The following ODF2 variants were observed in gnomAD, a reference collection of about 807,000 sequenced individuals.
ODF2 encodes outer dense fiber protein 2.
Under a neutral mutation model 110.2 loss-of-function variants are expected in ODF2, and 47 were observed. The observed-to-expected ratio is 0.43, with a 90% CI of 0.34 to 0.54. The LOEUF (loss-of-function observed/expected upper bound fraction) is 0.54, where lower values mean the gene tolerates loss of function less well. Among genes scored for constraint, ODF2 ranks in the 20% least tolerant of loss-of-function variants. The pLI is 0.03. For synonymous variants in ODF2, 352 were observed against 397.7 expected, an observed-to-expected ratio of 0.89 and a Z score of 1.37; for missense variants, 812 against 1,054.5, an observed-to-expected ratio of 0.77 and a Z score of 3.19.
rs1445845499 is a variant in ODF2, at chr9:128,466,647, A to T, written c.250-2536A>T. 4.7e-5 allele frequency among the ~76,000 whole-genome samples: 4 copies of T among 84,328 alleles called. No homozygotes were observed. The African/African-American group carries it at 5.4e-4, about 11-fold the overall frequency. The allele number at this position is 84,328 out of a possible 152,430, so 55.3% of individuals were successfully genotyped here. ...GGAGTAAGTAGTCACACTTTCCCAT[A>T]TATATATATATATATATATTTGTCA... is the stretch of plus-strand genomic sequence containing the variant. On this transcript the variant is annotated intron_variant, in intron 4 of 20. Coordinates refer to ENST00000604420, the Ensembl canonical transcript of ODF2.
At chr9:128,472,981 A>G in exon 7 of ODF2, 1 of 1,614,050 alleles carries the variant, frequency 6.2e-7, no homozygotes. Flanking sequence ...GCGGAAATGG[A>G]TGGGGCTGCG....
At chr9:128,468,597 A>G (rs1190652203) in intron 4 of ODF2, among the ~76,000 whole-genome samples, 2 of 151,804 alleles carry the variant, frequency 1.3e-5, no homozygotes, top group Non-Finnish European at 2.9e-5. Flanking sequence ...ATCTTGGCTC[A>G]CTGCAACCTC....
intron 17 of ODF2, 116 bp from the exon 18 acceptor site, chr9:128,495,925 A>T (rs1364389910): frequency 4.1e-6 from 5 of 1,214,702 alleles, no homozygotes; most frequent in Non-Finnish European, 4.7e-6. Flanking sequence ...TGAGACTTGG[A>T]CACCTGCTGA....
At chr9:128,488,669 A>G (rs1469029205) in intron 14 of ODF2, among the ~76,000 whole-genome samples, 3 of 152,148 alleles carry the variant, frequency 2.0e-5, no homozygotes, top group Non-Finnish European at 2.9e-5. Context: ...ATTAATTCTC[A>G]CTTAAACTGT....
chr9:128,475,449 C>T (rs1841057833), intron 8 of ODF2, among the ~76,000 whole-genome samples: 1 of 152,200 alleles, frequency 6.6e-6, no homozygotes, highest in East Asian at 1.9e-4. Flanking sequence ...CATTGCCTCA[C>T]ATACTAAGAT....
chr9:128,472,097 G>T (rs1216432347), intron 6 of ODF2, among the ~76,000 whole-genome samples: 2 of 152,146 alleles, frequency 1.3e-5, no homozygotes, highest in Non-Finnish European at 2.9e-5. Context: ...TGGCCAACAT[G>T]GTGAAACCCT....
chr9:128,457,471 G>A, intron 2 of ODF2: 1 of 1,568,920 alleles, frequency 6.4e-7, no homozygotes, highest in Non-Finnish European at 8.6e-7. Context: ...TGCGCCGGAG[G>A]GCAGGGAAAG....
In ODF2 at chr9:128,456,455, C is replaced by T. The variant is rs1437473544; in HGVS notation, c.-209+200C>T. 7 of 1,517,388 alleles carry T rather than the reference C, an allele frequency of 4.6e-6. No individual in the cohort carries two copies. In the East Asian group the frequency reaches 1.6e-4, roughly 34 times the overall value. The allele number at this position is 1,517,388 out of a possible 1,614,324, so 94.0% of individuals were successfully genotyped here. A position where few individuals can be genotyped will look rare whatever the true frequency, so the allele number is the denominator to read the frequency against. On this transcript the variant is annotated intron_variant, in intron 1 of 20. Coordinates refer to ENST00000604420, the Ensembl canonical transcript of ODF2. ...GCGGGGCCTCTCCTCCTCCCGCTAA[C>T]GGGCGGTCGGCCGCCTCCTTCCTCT...
At chr9:128,464,064 C>T (rs1335463648) in intron 4 of ODF2, among the ~76,000 whole-genome samples, 1 of 151,118 alleles carries the variant, frequency 6.6e-6, no homozygotes, top group Non-Finnish European at 1.5e-5. Flanking sequence ...AGGCTGGTCT[C>T]GAACTCCTGA....
At chr9:128,466,644 CATAT>C (rs10591401) in intron 4 of ODF2, among the ~76,000 whole-genome samples, 1,437 of 142,698 alleles carry the variant, frequency 0.01, 30 homozygotes, top group East Asian at 0.072. Flanking sequence ...CACACTTTCC[CATAT>C]ATATATATAT....
chr9:128,500,321 C>T, exon 21 of ODF2: 1 of 1,516,272 alleles, frequency 6.6e-7, no homozygotes. Flanking sequence ...CAAGCCATAG[C>T]TGAGAAGCCT....
At position 128,463,436 on chromosome 9, in the gene ODF2, C is replaced by T. The variant is rs568612357; in HGVS notation, c.249+2369C>T. Among the ~76,000 whole-genome samples, 6 of 152,220 alleles carry T rather than the reference C, an allele frequency of 3.9e-5. No homozygotes were observed. In the East Asian group the frequency reaches 7.7e-4, roughly 20 times the overall value. On this transcript the variant is annotated intron_variant, in intron 4 of 20. Transcript: ENST00000604420. ...GAGTTCAAGACCAGCCTGGGCAACA[C>T]GACGAGACCCTGCCTCTACAAAAGA...
At chr9:128,496,496 C>A (rs937741818) in intron 18 of ODF2, among the ~76,000 whole-genome samples, 9 of 152,212 alleles carry the variant, frequency 5.9e-5, no homozygotes, top group South Asian at 2.1e-4. Flanking sequence ...TCTGCCCTTT[C>A]TTGCCAGTCA....
chr9:128,484,844 C>T lies in ODF2; in HGVS notation c.1248C>T (p.Ser416=), dbSNP rs1199053210. ...CCCAGAAGGAGCGAGCCGAGAAGAG[C>T]GAGGAGTATGCTGAGCAGCTACACG... is the stretch of plus-strand genomic sequence containing the variant. Residue 416 remains serine, a synonymous_variant, in exon 12 of 21, where the codon AGC becomes AGT. Transcript: ENST00000604420. 1.9e-6 allele frequency: 3 copies of T among 1,614,008 alleles called. No homozygotes were observed. The highest frequency in any genetic ancestry group is 1.7e-4 in the Middle Eastern group (1 of 6,060).
intron 4 of ODF2, among the ~76,000 whole-genome samples, chr9:128,462,222 G>A (rs1179306247): frequency 3.9e-4 from 59 of 151,710 alleles, no homozygotes; most frequent in Non-Finnish European, 2.5e-4. Flanking sequence ...CGCGATCTTG[G>A]CTCACCACAA....
chr9:128,459,769 C>T, intron 3 of ODF2, 112 bp downstream of exon 2: 1 of 729,224 alleles, frequency 1.4e-6, no homozygotes, highest in African/African-American at 1.7e-5. Flanking sequence ...CGCCCAGTTG[C>T]TCTGCTAGGT....
At chr9:128,471,823 C>T (rs1482134417) in intron 6 of ODF2, among the ~76,000 whole-genome samples, 1 of 151,960 alleles carries the variant, frequency 6.6e-6, no homozygotes, top group East Asian at 1.9e-4. Context: ...GCGAAGGCCC[C>T]AAGGTGGGAA....
At chr9:128,496,418 C>A in intron 18 of ODF2, 1 of 1,163,862 alleles carries the variant, frequency 8.6e-7, no homozygotes, top group South Asian at 1.5e-5. Flanking sequence ...CTGGTCCAGG[C>A]CTGCCAGGAG....
chr9:128,457,446 G>A (rs747295776), intron 2 of ODF2: 4 of 1,608,170 alleles, frequency 2.5e-6, no homozygotes, highest in Non-Finnish European at 3.4e-6. Context: ...AGGTATTGCC[G>A]ATGTGGGAGG....
Sources: allele counts gnomAD v4.1 joint callset (sites outside exome capture counted in the v4.1 genomes callset), GRCh38; gene constraint gnomAD v4.1.1; transcripts MANE v1.5; gene names NCBI Gene and HGNC (gene_info 2026-07-23, HGNC 2026-07-21).